The following DNAH17 variants were observed in gnomAD, a reference collection of about 807,000 sequenced individuals.
DNAH17 encodes the protein dynein axonemal heavy chain 17, also known as axonemal beta dynein heavy chain 17.
DNAH17 carries 376 observed loss-of-function variants against 485.6 expected under a neutral mutation model. The ratio of observed to expected loss-of-function variants is 0.77; its 90% CI spans 0.71 to 0.84. DNAH17 has a LOEUF of 0.84. Among genes scored for constraint, DNAH17 ranks in the 40% least tolerant of loss-of-function variants. The pLI is 0.00. For synonymous variants in DNAH17, 3,031 were observed against 2,405.9 expected, an observed-to-expected ratio of 1.26 and a Z score of -7.60; for missense variants, 6,370 against 5,839.3, an observed-to-expected ratio of 1.09 and a Z score of -2.96.
At chr17:78,499,499 G>A (rs972018849) in intron 36 of DNAH17, 7 of 156,144 alleles carry the variant, frequency 4.5e-5, no homozygotes, top group African/African-American at 7.2e-5. Flanking sequence ...GCAGGCCGGA[G>A]GCTTTCCCTC....
rs781580779 is a variant in DNAH17 at position 78,428,671 on chromosome 17, C to G, written c.12442G>C (p.Glu4148Gln). The G allele has an allele frequency of 1.1e-5, 18 of 1,613,996 alleles. No homozygotes were observed. Among genetic ancestry groups the G allele is most frequent in the Non-Finnish European group, 1.5e-5 (18 of 1,179,904 alleles). ...HEYIDENLPP[E>Q]SPYLYGLHPN... Reference sequence around the variant, plus strand: ...TGCAGGCCATACAGATAGGGACTCTCAGGGGGCAGGTTCTCATCGATGTAT... The same window carrying G: ...TGCAGGCCATACAGATAGGGACTCTGAGGGGGCAGGTTCTCATCGATGTAT... The change falls in exon 77 of 81, where the codon GAG becomes CAG. Residue 4148 changes from glutamate to glutamine, a missense_variant. Transcript: ENST00000389840.
At position 78,514,477 on chromosome 17, in the gene DNAH17, C is replaced by T. The variant is rs1247391528; in HGVS notation, c.4113+297G>A. ...CCAAGATCGCGCCACTGCACTCCAA[C>T]CTGGTGACAGAACTAGACTCCGTCT... On this transcript the variant is annotated intron_variant, in intron 26 of 80. Transcript: ENST00000389840. Among the ~76,000 whole-genome samples, 13 of 137,044 alleles carry T rather than the reference C, an allele frequency of 9.5e-5. No homozygotes were observed. The Admixed American group carries it at 1.0e-3, about 11-fold the overall frequency. 89.9% of individuals were successfully genotyped at this position (137,044 alleles called of 152,430 possible).
rs2088007463 is a variant in DNAH17 at position 78,459,855 on chromosome 17, C to T, written c.9582G>A (p.Val3194=). The change falls in exon 60 of 81, where the codon GTG becomes GTA. Residue 3194 remains valine (V), a synonymous_variant. Transcript: ENST00000389840. ...TCTTCAGGGAGTCTAGGAAGGTGTC[C>T]ACCTTGCCCATCATGATCTTGGCCG... ...WKAAKIMMGK[V]DTFLDSLKKF... The T allele has an allele frequency of 1.9e-6, 3 of 1,614,030 alleles. No homozygotes were observed. Among genetic ancestry groups the T allele is most frequent in the Non-Finnish European group, 2.5e-6 (3 of 1,179,898 alleles).
chr17:78,571,543 C>T (rs1301364891), intron 4 of DNAH17, 47 bp downstream of exon 4: 1 of 1,607,932 alleles, frequency 6.2e-7, no homozygotes, highest in Non-Finnish European at 8.5e-7. Flanking sequence ...GGCCCGGTCG[C>T]CCAGCTGGGA....
At chr17:78,457,680 T>TA (rs1491089482) in intron 62 of DNAH17, among the ~76,000 whole-genome samples, 10 of 87,918 alleles carry the variant, frequency 1.1e-4, no homozygotes, top group African/African-American at 2.5e-4. Context: ...TTTTTTTTTT[T>TA]AGACAGTTTT....
chr17:78,427,152 C>T (rs1284627599), intron 77 of DNAH17, 44 bp from the exon 78 acceptor site: 10 of 1,545,288 alleles, frequency 6.5e-6, no homozygotes, highest in Non-Finnish European at 7.9e-6. Flanking sequence ...GCAAAGAGCC[C>T]ACCCCACCCA....
At chr17:78,517,323 C>T (rs1251064594) in intron 25 of DNAH17, among the ~76,000 whole-genome samples, 3 of 152,164 alleles carry the variant, frequency 2.0e-5, no homozygotes, top group African/African-American at 4.8e-5. Flanking sequence ...GGATTACAGG[C>T]GTGAGCCACC....
chr17:78,434,201 G>A lies in DNAH17; in HGVS notation c.12053C>T (p.Thr4018Ile). Reference sequence around the variant, plus strand: ...CATGCACTTGAACTCCATCTCCTTGGTGCACATCTCCAGGGTGTCCTGTGG... The same window carrying A: ...CATGCACTTGAACTCCATCTCCTTGATGCACATCTCCAGGGTGTCCTGTGG... Reference protein sequence around the residue: ...LFTQDTLEMCTKEMEFKCMLF... With the variant: ...LFTQDTLEMCIKEMEFKCMLF... The change falls in exon 75 of 81, where the codon ACC (threonine) becomes ATC (isoleucine). Residue 4018 changes from threonine to isoleucine, a missense_variant. Thr to Ile is a moderately conservative substitution (Grantham distance 89). Transcript: ENST00000389840. 1 of 1,611,434 alleles carries A rather than the reference G, an allele frequency of 6.2e-7. No individual in the cohort carries two copies.
At chr17:78,446,092 T>C (rs986851233) in intron 69 of DNAH17, among the ~76,000 whole-genome samples, 1 of 137,232 alleles carries the variant, frequency 7.3e-6, no homozygotes, top group African/African-American at 2.7e-5. Context: ...GAGAATCACT[T>C]GAACCTGGGA....
At chr17:78,475,969 C>T in intron 52 of DNAH17, 136 bp from the exon 53 acceptor site, 1 of 981,416 alleles carries the variant, frequency 1.0e-6, no homozygotes, top group East Asian at 2.6e-5. Context: ...TCCAGGGGCC[C>T]AAACCTGCTG....
At chr17:78,479,272 C>T (rs1440817303) in intron 50 of DNAH17, among the ~76,000 whole-genome samples, 156 bp from the exon 51 acceptor site, 2 of 152,190 alleles carry the variant, frequency 1.3e-5, no homozygotes, top group Admixed American at 6.5e-5. Flanking sequence ...TTGCTGTTCT[C>T]CTTAAATCAT....
At chr17:78,570,160 G>T in intron 7 of DNAH17, 87 bp downstream of exon 7, 1 of 1,423,754 alleles carries the variant, frequency 7.0e-7, no homozygotes, top group African/African-American at 1.4e-5. Context: ...AACTGCTGGG[G>T]AACATGGGCA....
intron 58 of DNAH17, among the ~76,000 whole-genome samples, chr17:78,461,049 C>T (rs1436722625): frequency 6.6e-6 from 1 of 151,948 alleles, no homozygotes; most frequent in Non-Finnish European, 1.5e-5. Flanking sequence ...CCCGCTAAGC[C>T]GTGGTTCTCA....
At chr17:78,493,567 G>T (rs1005521815) in intron 41 of DNAH17, among the ~76,000 whole-genome samples, 2 of 152,232 alleles carry the variant, frequency 1.3e-5, no homozygotes, top group East Asian at 1.9e-4. Flanking sequence ...CATGTGACTG[G>T]CGGTGGGAGT....
rs1355113885 is a variant in DNAH17, at chr17:78,491,518, G to A, written c.6594C>T (p.Pro2198=). The change falls in exon 43 of 81, where the codon CCC becomes CCT. Residue 2198 remains proline, a synonymous_variant. Coordinates refer to ENST00000389840, the MANE Select transcript of DNAH17 (RefSeq NM_173628.4). ...TGTCTCCGTCAAGGATGATCCACTTGGGGCCGTCATGGGTGATGTTGGCCA... is the reference window on the plus strand; with the variant it reads ...TGTCTCCGTCAAGGATGATCCACTTAGGGCCGTCATGGGTGATGTTGGCCA... The part of the protein sequence containing the change: ...RDLANITHDG[P]KWIILDGDID... 3 of 1,613,800 alleles carry A rather than the reference G, an allele frequency of 1.9e-6. No homozygotes were observed. The highest frequency in any genetic ancestry group is 1.3e-5 in the African/African-American group (1 of 74,930).
Position 78,439,228 on chromosome 17 carries a change from G to C in DNAH17, c.11678-11C>G. The C allele has an allele frequency of 6.3e-7, 1 of 1,590,530 alleles. No homozygotes were observed. The highest frequency in any genetic ancestry group is 8.6e-7 in the Non-Finnish European group (1 of 1,169,566). On this transcript the variant is annotated splice_polypyrimidine_tract_variant and intron_variant, in intron 72 of 80. Coordinates refer to ENST00000389840, the MANE Select transcript of DNAH17 (RefSeq NM_173628.4). ...ACCCTAGTTTTTTTCCTAAAGAAAA[G>C]AAAAACAGGAAAAAAACACCACGTA...
chr17:78,503,029 G>A lies in DNAH17; in HGVS notation c.4957-18C>T, dbSNP rs373114946. On this transcript the variant is annotated intron_variant, in intron 31 of 80. Transcript: ENST00000389840. Reference sequence around the variant, plus strand: ...ACTTCCACCTGGGGACGGGAGCCACGGTGACCAATACAGCCATGTGTGCCT... The same window carrying A: ...ACTTCCACCTGGGGACGGGAGCCACAGTGACCAATACAGCCATGTGTGCCT... 389 of 1,610,934 alleles carry A rather than the reference G, an allele frequency of 2.4e-4. No individual in the cohort carries two copies. The African/African-American group carries it at 4.1e-3, about 17-fold the overall frequency.
In DNAH17 at chr17:78,551,642, A is replaced by G. The variant is rs527462312; in HGVS notation, c.2288-4T>C. 4 of 1,613,586 alleles carry G rather than the reference A, an allele frequency of 2.5e-6. No individual in the cohort carries two copies. In the Admixed American group the frequency reaches 6.7e-5, roughly 27 times the overall value. Reference sequence around the variant, plus strand: ...TCTTGAATGTACTGAAACACACCTAAAATGGAAATGTAGAGGAATCTTACA... The same window carrying G: ...TCTTGAATGTACTGAAACACACCTAGAATGGAAATGTAGAGGAATCTTACA... On this transcript the variant is annotated splice_polypyrimidine_tract_variant and splice_region_variant and intron_variant, in intron 15 of 80. Transcript: ENST00000389840.
At chr17:78,437,236 T>G (rs946509681) in intron 74 of DNAH17, among the ~76,000 whole-genome samples, 18 of 152,118 alleles carry the variant, frequency 1.2e-4, no homozygotes, top group Non-Finnish European at 2.6e-4. Context: ...CCTCCAGCAG[T>G]GGGGCTCTGT....
Sources: allele counts gnomAD v4.1 joint callset (sites outside exome capture counted in the v4.1 genomes callset), GRCh38; gene constraint gnomAD v4.1.1; transcripts MANE v1.5; gene names NCBI Gene and HGNC (gene_info 2026-07-23, HGNC 2026-07-21).